The following AP1S3 variants were observed in gnomAD, a reference collection of about 807,000 sequenced individuals.
AP1S3 encodes the protein AP-1 complex subunit sigma-3.
Under a neutral mutation model 20.9 loss-of-function variants are expected in AP1S3, and 10 were observed. The observed-to-expected ratio is 0.48, with a 90% CI of 0.29 to 0.81. The LOEUF (loss-of-function observed/expected upper bound fraction) is 0.81, where lower values mean the gene tolerates loss of function less well. AP1S3 is among the 30% of genes least tolerant of loss of function. The pLI is 0.08. For synonymous variants in AP1S3, 41 were observed against 61.5 expected (o/e 0.67, Z 1.56); for missense variants, 154 against 183.8 (o/e 0.84, Z 0.94).
chr2:223,795,704 C>G (rs1340863376), intron 1 of AP1S3, among the ~76,000 whole-genome samples: 1 of 152,136 alleles, frequency 6.6e-6, no homozygotes, highest in Non-Finnish European at 1.5e-5. Flanking sequence ...CATTTATGAG[C>G]TAAGTCGATG....
chr2:223,781,728 C>A (rs1311811983), intron 1 of AP1S3, among the ~76,000 whole-genome samples: 3 of 152,038 alleles, frequency 2.0e-5, no homozygotes, highest in Non-Finnish European at 4.4e-5. Context: ...TATAGGAACA[C>A]AAAGAATAGG....
At chr2:223,818,443 G>T (rs941722517) in intron 1 of AP1S3, among the ~76,000 whole-genome samples, 5 of 148,426 alleles carry the variant, frequency 3.4e-5, no homozygotes, top group African/African-American at 7.4e-5. Context: ...AATGTCCAAG[G>T]TTCCAAGATA....
chr2:223,829,131 G>T (rs1275347436), intron 1 of AP1S3, among the ~76,000 whole-genome samples: 3 of 152,016 alleles, frequency 2.0e-5, no homozygotes, highest in Admixed American at 1.3e-4. Flanking sequence ...ACTGCACCCA[G>T]CCAGGACCCT....
chr2:223,758,314 T>A lies in AP1S3; in HGVS notation c.*401A>T. The A allele has an allele frequency of 1.0e-6, 1 of 980,156 alleles. No homozygotes were observed. Among genetic ancestry groups the A allele is most frequent in the Non-Finnish European group, 1.2e-6 (1 of 823,542 alleles). The allele number at this position is 980,156 out of a possible 1,614,324, so 60.7% of individuals were successfully genotyped here. The stretch of plus-strand genomic sequence containing the variant: ...GAAAACTAAACATTTAGAAAAAGTA[T>A]TAATGACATCATATATACTTTACAT... On this transcript the variant is annotated 3_prime_UTR_variant, in exon 5 of 5. Transcript: ENST00000396654.
chr2:223,799,706 TCACAA>T, intron 1 of AP1S3, among the ~76,000 whole-genome samples: 1 of 152,036 alleles, frequency 6.6e-6, no homozygotes, highest in African/African-American at 2.4e-5. Flanking sequence ...ATTCCTAGAC[TCACAA>T]AATTCTAGCA....
intron 1 of AP1S3, among the ~76,000 whole-genome samples, chr2:223,795,544 G>A (rs16865207): frequency 0.02 from 3,052 of 152,214 alleles, 102 homozygotes; most frequent in African/African-American, 0.069. Context: ...TCACTGTTCC[G>A]GATTTCATCC....
chr2:223,776,696 T>C (rs2106089527), intron 2 of AP1S3, among the ~76,000 whole-genome samples: 1 of 152,302 alleles, frequency 6.6e-6, no homozygotes, highest in East Asian at 1.9e-4. Flanking sequence ...GGCAAAATTA[T>C]GTTACCTCTC....
At position 223,789,835 on chromosome 2, in the gene AP1S3, C is replaced by CAA. The variant is rs35429659; in HGVS notation, c.4-11968_4-11967dup. 1.5e-3 allele frequency among the ~76,000 whole-genome samples: 187 copies of CAA among 120,804 alleles called. 1 individual carries two copies. Among genetic ancestry groups the CAA allele is most frequent in the East Asian group, 4.3e-3 (17 of 3,944 alleles). The allele number at this position is 120,804 out of a possible 152,430, so 79.3% of individuals were successfully genotyped here. On this transcript the variant is annotated intron_variant, in intron 1 of 4. Transcript: ENST00000396654. ...CCTCGGTGATAGTACAAGACTCTAT[C>CAA]AAAAAAAAAAAAAAAGGCAATCAAA...
intron 1 of AP1S3, among the ~76,000 whole-genome samples, chr2:223,820,578 A>G (rs1197005097): frequency 1.3e-5 from 2 of 151,418 alleles, no homozygotes; most frequent in Non-Finnish European, 2.9e-5. Context: ...AGGAGAATTT[A>G]AGTTTCAATG....
chr2:223,768,255 T>TC (rs1322041277), intron 3 of AP1S3, among the ~76,000 whole-genome samples: 1 of 152,154 alleles, frequency 6.6e-6, no homozygotes, highest in Non-Finnish European at 1.5e-5. Context: ...TTGAATTGTG[T>TC]CCCCAAATGT....
intron 4 of AP1S3, among the ~76,000 whole-genome samples, chr2:223,759,767 C>A (rs983006755): frequency 6.6e-6 from 1 of 152,136 alleles, no homozygotes; most frequent in African/African-American, 2.4e-5. Context: ...TCTCCCTCCT[C>A]CCACCCTCCA....
At chr2:223,780,306 TATAG>T (rs61712049) in intron 1 of AP1S3, among the ~76,000 whole-genome samples, 26 of 45,184 alleles carry the variant, frequency 5.8e-4, no homozygotes, top group East Asian at 1.3e-3. Flanking sequence ...TATATATATA[TATAG>T]AGAGAGAGAG....
intron 1 of AP1S3, among the ~76,000 whole-genome samples, chr2:223,820,078 C>G (rs1047551772): frequency 6.6e-6 from 1 of 152,110 alleles, no homozygotes; most frequent in Non-Finnish European, 1.5e-5. Context: ...CTCCAGAATT[C>G]CTTTCTATTG....
At chr2:223,791,368 G>T (rs1202832542) in intron 1 of AP1S3, among the ~76,000 whole-genome samples, 2 of 152,166 alleles carry the variant, frequency 1.3e-5, no homozygotes, top group Non-Finnish European at 2.9e-5. Context: ...AGGATGCAAG[G>T]TTGGTTCAAC....
chr2:223,833,882 T>TTATTTA (rs1553528470), intron 1 of AP1S3, among the ~76,000 whole-genome samples: 1 of 145,940 alleles, frequency 6.9e-6, no homozygotes, highest in African/African-American at 2.5e-5. Context: ...TTTACACTCT[T>TTATTTA]TTTATTTATT....
chr2:223,819,518 T>G lies in AP1S3; in HGVS notation c.3+17930A>C, dbSNP rs1320281912. On this transcript the variant is annotated intron_variant, in intron 1 of 4. Coordinates refer to ENST00000396654, the MANE Select transcript of AP1S3 (RefSeq NM_001039569.2). Reference sequence around the variant, plus strand: ...ATAAACTATAAAGTCCATAAATAACTGGCAGTTGGCAATAAAATTGACATT... The same window carrying G: ...ATAAACTATAAAGTCCATAAATAACGGGCAGTTGGCAATAAAATTGACATT... Among the ~76,000 whole-genome samples the G allele has an allele frequency of 2.0e-5, 3 of 151,950 alleles. No individual in the cohort carries two copies. In the East Asian group the frequency reaches 5.8e-4, roughly 29 times the overall value.
chr2:223,832,769 T>C (rs569301905), intron 1 of AP1S3, among the ~76,000 whole-genome samples: 7 of 151,470 alleles, frequency 4.6e-5, no homozygotes, highest in African/African-American at 1.7e-4. Context: ...AACAACTCCC[T>C]GAGATTAAAA....
At chr2:223,779,967 CA>C (rs560385566) in intron 1 of AP1S3, among the ~76,000 whole-genome samples, 1 of 147,286 alleles carries the variant, frequency 6.8e-6, no homozygotes, top group Non-Finnish European at 1.5e-5. Context: ...AACTCCGTCT[CA>C]AAAAAAAACA....
intron 1 of AP1S3, among the ~76,000 whole-genome samples, chr2:223,829,593 C>A (rs1203843553): frequency 6.6e-6 from 1 of 152,110 alleles, no homozygotes; most frequent in Non-Finnish European, 1.5e-5. Context: ...ATCACTTGAA[C>A]CCAGGAAGCA....
Sources: allele counts gnomAD v4.1 joint callset (sites outside exome capture counted in the v4.1 genomes callset), GRCh38; gene constraint gnomAD v4.1.1; transcripts MANE v1.5; gene names NCBI Gene and HGNC (gene_info 2026-07-23, HGNC 2026-07-21).